Variants in CDS2 observed in about 807,000 individuals in gnomAD.
The protein encoded by CDS2 is CDP-diacylglycerol synthase 2, also known as phosphatidate cytidylyltransferase 2.
In CDS2, 47 loss-of-function variants were observed where a neutral mutation model predicts 59.0. The ratio of observed to expected loss-of-function variants is 0.80; its 90% CI spans 0.63 to 1.02. The LOEUF is 1.02. Ranked by LOEUF, CDS2 falls within the 50% of genes least tolerant of loss-of-function variation. The probability of loss-of-function intolerance (pLI) is 0.00; values close to 1 mark genes in which losing one functional copy is unlikely to be tolerated. For missense variants in CDS2, 356 were observed against 558.9 expected, an observed-to-expected ratio of 0.64 and a Z score of 3.66; for synonymous variants, 207 against 206.4, an observed-to-expected ratio of 1.00 and a Z score of -0.02.
chr20:5,180,082 G>T (rs1165882785), intron 5 of CDS2, among the ~76,000 whole-genome samples: 1 of 152,196 alleles, frequency 6.6e-6, no homozygotes, highest in Admixed American at 6.5e-5. Context: ...GAGGTAAGGG[G>T]TCTGGAAAAG....
chr20:5,142,067 C>T (rs539487520), intron 1 of CDS2, among the ~76,000 whole-genome samples: 21 of 152,294 alleles, frequency 1.4e-4, no homozygotes, highest in African/African-American at 4.3e-4. Flanking sequence ...GTAATTCCAG[C>T]GCTCTAAAGG....
At chr20:5,136,822 A>C (rs1213953178) in intron 1 of CDS2, among the ~76,000 whole-genome samples, 1 of 152,092 alleles carries the variant, frequency 6.6e-6, no homozygotes, top group Non-Finnish European at 1.5e-5. Context: ...CAGGGGATAC[A>C]TGTGCAGGTT....
chr20:5,174,871 AC>A (rs1176270807), intron 2 of CDS2, among the ~76,000 whole-genome samples: 2 of 152,184 alleles, frequency 1.3e-5, no homozygotes, highest in African/African-American at 4.8e-5. Flanking sequence ...AGCTGTAGAA[AC>A]CATCCAAGTG....
At chr20:5,176,422 T>A in intron 3 of CDS2, 1 of 487,838 alleles carries the variant, frequency 2.0e-6, no homozygotes, top group South Asian at 3.0e-5. Context: ...AACATCAGGG[T>A]GTGTATTTTA....
intron 1 of CDS2, among the ~76,000 whole-genome samples, chr20:5,172,779 A>G (rs1282403515): frequency 1.3e-5 from 2 of 152,190 alleles, no homozygotes; most frequent in African/African-American, 2.4e-5. Context: ...GAATTCCCCT[A>G]TGAAAGAAAA....
At chr20:5,130,819 T>C (rs535575248) in intron 1 of CDS2, among the ~76,000 whole-genome samples, 2 of 147,960 alleles carry the variant, frequency 1.4e-5, no homozygotes, top group Admixed American at 6.7e-5. Flanking sequence ...AGGCTGGGCG[T>C]GGTAGCTCAC....
At chr20:5,180,335 TAAG>T (rs2091024834) in intron 5 of CDS2, among the ~76,000 whole-genome samples, 1 of 152,158 alleles carries the variant, frequency 6.6e-6, no homozygotes, top group Non-Finnish European at 1.5e-5. Flanking sequence ...GCAAGTTTAT[TAAG>T]AAAGTAAAGG....
At chr20:5,158,915 T>C (rs889732251) in intron 1 of CDS2, among the ~76,000 whole-genome samples, 4 of 152,154 alleles carry the variant, frequency 2.6e-5, no homozygotes, top group Middle Eastern at 3.2e-3. Flanking sequence ...AATCTGACAG[T>C]GAAGATGAAT....
At chr20:5,180,270 C>A (rs935203487) in intron 5 of CDS2, among the ~76,000 whole-genome samples, 1 of 151,716 alleles carries the variant, frequency 6.6e-6, no homozygotes, top group Admixed American at 6.6e-5. Context: ...CTTCTCCCAG[C>A]CCTATGAATA....
intron 1 of CDS2, among the ~76,000 whole-genome samples, chr20:5,138,893 T>C (rs1427890810): frequency 6.6e-6 from 1 of 152,130 alleles, no homozygotes; most frequent in African/African-American, 2.4e-5. Flanking sequence ...TTCACAGATA[T>C]TTTTTAAATC....
At chr20:5,183,203 C>A in intron 7 of CDS2, 60 bp downstream of exon 7, 1 of 1,408,670 alleles carries the variant, frequency 7.1e-7, no homozygotes, top group East Asian at 2.3e-5. Context: ...TGTACAGATA[C>A]CCCCCTCTAA....
At chr20:5,141,601 G>A (rs1485014135) in intron 1 of CDS2, among the ~76,000 whole-genome samples, 4 of 152,054 alleles carry the variant, frequency 2.6e-5, no homozygotes, top group East Asian at 1.9e-4. Flanking sequence ...TTGTATATTT[G>A]TATCCAATAT....
chr20:5,178,781 G>GTGCT, intron 4 of CDS2, 36 bp from the exon 5 acceptor site: 3 of 1,612,914 alleles, frequency 1.9e-6, no homozygotes, highest in Non-Finnish European at 1.7e-6. Flanking sequence ...GAAGGCAAGG[G>GTGCT]TGCTCCCCAC....
At chr20:5,143,954 A>G (rs1385167648) in intron 1 of CDS2, among the ~76,000 whole-genome samples, 13 of 151,818 alleles carry the variant, frequency 8.6e-5, no homozygotes. Flanking sequence ...TTGTAGAGAC[A>G]GGGTTTTCCC....
intron 1 of CDS2, among the ~76,000 whole-genome samples, chr20:5,142,809 A>G (rs765938937): frequency 2.6e-5 from 4 of 152,234 alleles, no homozygotes; most frequent in Non-Finnish European, 5.9e-5. Context: ...AATTACTTCA[A>G]AATAAATGTA....
intron 1 of CDS2, among the ~76,000 whole-genome samples, chr20:5,136,565 A>G (rs1048759885): frequency 6.6e-6 from 1 of 152,120 alleles, no homozygotes. Context: ...GATTTCCCAA[A>G]TTTCAGGATT....
chr20:5,130,869 A>G (rs1284239507), intron 1 of CDS2, among the ~76,000 whole-genome samples: 1 of 151,862 alleles, frequency 6.6e-6, no homozygotes, highest in East Asian at 1.9e-4. Context: ...AGGCGGGTGG[A>G]TCACGAGGTT....
chr20:5,186,571 C>G, intron 9 of CDS2, 116 bp from the exon 10 acceptor site: 1 of 902,662 alleles, frequency 1.1e-6, no homozygotes, highest in Non-Finnish European at 1.8e-6. Context: ...GAGCACATAG[C>G]TCGCAGTTAG....
rs1278610477 is a variant in CDS2, at chr20:5,189,585, A to AAT, written c.1102-146_1102-145dup. On this transcript the variant is annotated intron_variant, in intron 11 of 12. Transcript: ENST00000460006. ...TTGTAATGCAATAAAATTGTGTCCT[A>AAT]ATATAGCCTCACCATTAGATTTCAT... 4.6e-6 allele frequency: 3 copies of AAT among 657,556 alleles called. No homozygotes were observed. The East Asian group carries it at 7.5e-5, about 17-fold the overall frequency. 40.7% of individuals were successfully genotyped at this position (657,556 alleles called of 1,614,324 possible). A position where few individuals can be genotyped will look rare whatever the true frequency, so the allele number is the denominator to read the frequency against.
Sources: allele counts gnomAD v4.1 joint callset (sites outside exome capture counted in the v4.1 genomes callset), GRCh38; gene constraint gnomAD v4.1.1; transcripts MANE v1.5; gene names NCBI Gene and HGNC (gene_info 2026-07-23, HGNC 2026-07-21).